MYH2: variants seen among roughly 807,000 people sequenced by gnomAD.
MYH2 encodes myosin-2.
In MYH2, 139 loss-of-function variants were observed where a neutral mutation model predicts 228.1. That is an observed-to-expected ratio of 0.61 (90% CI 0.53 to 0.70). MYH2 has a LOEUF of 0.70. Among genes scored for constraint, MYH2 ranks in the 30% least tolerant of loss-of-function variants. The pLI, the probability that MYH2 is intolerant of heterozygous loss-of-function variation, is 0.00. For missense variants in MYH2, 1,809 were observed against 2,357.5 expected (o/e 0.77, Z 4.82); for synonymous variants, 796 against 871.1 (o/e 0.91, Z 1.52).
chr17:10,534,478 A>T (rs1014631470), intron 19 of MYH2, among the ~76,000 whole-genome samples: 1 of 152,244 alleles, frequency 6.6e-6, no homozygotes, highest in Non-Finnish European at 1.5e-5. Flanking sequence ...GGATTAAACA[A>T]GATAATCTGA....
rs2073579572 is a variant in MYH2 at position 10,543,175 on chromosome 17, C to T, written c.742-14G>A. 1.9e-6 allele frequency: 3 copies of T among 1,578,440 alleles called. No homozygotes were observed. The highest frequency in any genetic ancestry group is 2.2e-5 in the East Asian group (1 of 44,606). On this transcript the variant is annotated splice_polypyrimidine_tract_variant and intron_variant, in intron 8 of 39. Coordinates refer to ENST00000245503, the MANE Select transcript of MYH2 (RefSeq NM_017534.6). ...GATGAATTTACCCTTGAAATAAAAGCTAATATTACTACCTTTTTTTTATAT... is the reference window on the plus strand; with the variant it reads ...GATGAATTTACCCTTGAAATAAAAGTTAATATTACTACCTTTTTTTTATAT...
Position 10,523,665 on chromosome 17 carries a change from G to T in MYH2, c.5303C>A (p.Ala1768Asp). 6.2e-7 allele frequency: 1 copy of T among 1,614,210 alleles called. No individual in the cohort carries two copies. Among genetic ancestry groups the T allele is most frequent in the Non-Finnish European group, 8.5e-7 (1 of 1,180,050 alleles). ...CTTCAGCTCCTCAGCCATCATGGCG[G>T]CCTAAATAGCAAATAAATCAAGAAA... is the stretch of plus-strand genomic sequence containing the variant. ...EEKAKKAITD[A>D]AMMAEELKKE... is the part of the protein sequence containing the mutation. The change falls in exon 37 of 40, where the codon GCC becomes GAC. Residue 1768 changes from alanine to aspartate, a missense_variant and splice_region_variant. Ala to Asp is a moderately radical substitution (Grantham distance 126). Coordinates refer to ENST00000245503, the MANE Select transcript of MYH2 (RefSeq NM_017534.6).
In MYH2 at chr17:10,545,401, C is replaced by T. The variant is rs775927623; in HGVS notation, c.450G>A (p.Glu150=). ...VTAYRGKKRQ[E]APPHIFSISD... is the part of the protein sequence containing the mutation. ...AGATGGAGAAGATGTGGGGCGGGGC[C>T]TCCTGGCGCTTTTTGCCTCGGTAGG... is the stretch of plus-strand genomic sequence containing the variant. The change falls in exon 5 of 40, where the codon GAG becomes GAA. Residue 150 remains glutamate (E), a synonymous_variant. Transcript: ENST00000245503. 3.1e-6 allele frequency: 5 copies of T among 1,613,994 alleles called. No homozygotes were observed. Among genetic ancestry groups the T allele is most frequent in the Non-Finnish European group, 4.2e-6 (5 of 1,180,004 alleles).
intron 14 of MYH2, among the ~76,000 whole-genome samples, chr17:10,538,644 CA>C (rs201204610): frequency 0.031 from 2,755 of 87,990 alleles, 43 homozygotes; most frequent in African/African-American, 0.084. Flanking sequence ...GACTCCATCT[CA>C]AAAAAAAAAA....
chr17:10,536,386 A>G, intron 17 of MYH2, 144 bp downstream of exon 17: 1 of 637,918 alleles, frequency 1.6e-6, no homozygotes. Context: ...CATATTACAA[A>G]GTAATTTTAA....
Position 10,525,900 on chromosome 17 carries a change from G to T in MYH2, c.4188-24C>A, listed in dbSNP as rs775165995. 4 of 1,611,392 alleles carry T rather than the reference G, an allele frequency of 2.5e-6. No individual in the cohort carries two copies. Among genetic ancestry groups the T allele is most frequent in the Non-Finnish European group, 2.5e-6 (3 of 1,177,910 alleles). On this transcript the variant is annotated intron_variant, in intron 30 of 39. Transcript: ENST00000245503. This position sits in a 1 kb window ranked among gnomAD's most constrained non-coding sequence, Gnocchi z 4.2. ...TCCTTGAATATTATACATGTTTTCA[G>T]AGAGAAGTGAACCATAATATGAATT...
rs1266665896 is a variant in MYH2 at position 10,543,938 on chromosome 17, C to G, written c.612G>C (p.Glu204Asp). The G allele has an allele frequency of 6.2e-7, 1 of 1,614,234 alleles. No homozygotes were observed. Among genetic ancestry groups the G allele is most frequent in the Admixed American group, 1.7e-5 (1 of 60,026 alleles). Residue 204 changes from glutamate (E) to aspartate (D), a missense_variant, in exon 7 of 40, where the codon GAG (glutamate) becomes GAC (aspartate). Physicochemically the swap from Glu to Asp is conservative, Grantham distance 45 (BLOSUM62 2). This residue lies in a region of MYH2 where 373 missense variants were observed against 620.4 expected (regional missense o/e 0.60). Coordinates refer to ENST00000245503, the MANE Select transcript of MYH2 (RefSeq NM_017534.6). ...QYFATIAVTG[E>D]KKKEEITSGK... ...CAGAAGTAATTTCTTCCTTCTTCTT[C>G]TCACCAGTAACTGCAATTGTTGCAA...
intron 4 of MYH2, among the ~76,000 whole-genome samples, chr17:10,546,310 G>T (rs2073632147): frequency 8.7e-6 from 1 of 115,454 alleles, no homozygotes; most frequent in Non-Finnish European, 1.7e-5. Flanking sequence ...ACAATAGGGG[G>T]ATTTAAAAAA....
intron 17 of MYH2, among the ~76,000 whole-genome samples, chr17:10,535,878 G>A (rs1387857220): frequency 1.3e-5 from 2 of 152,302 alleles, no homozygotes; most frequent in Admixed American, 6.5e-5. Context: ...TTAAGAGCAA[G>A]GATACCATAT....
intron 10 of MYH2, among the ~76,000 whole-genome samples, 158 bp downstream of exon 10, chr17:10,542,717 T>G (rs1394592602): frequency 6.6e-6 from 1 of 152,224 alleles, no homozygotes; most frequent in East Asian, 1.9e-4. Context: ...TGAATTTTTC[T>G]AATGAGCACA....
At chr17:10,534,263 G>T (rs2073457213) in intron 19 of MYH2, among the ~76,000 whole-genome samples, 1 of 152,208 alleles carries the variant, frequency 6.6e-6, no homozygotes, top group Non-Finnish European at 1.5e-5. Flanking sequence ...AACCCTGGGA[G>T]TCTAATATGT....
rs1245033619 is a variant in MYH2 at position 10,525,596 on chromosome 17, C to T, written c.4392G>A (p.Gln1464=). The change falls in exon 32 of 40, where the codon CAG becomes CAA. Residue 1464 remains glutamine (Q), a synonymous_variant. Transcript: ENST00000245503. The surrounding 1 kb of genome is among the most constrained non-coding windows in gnomAD (Gnocchi z 4.2). The part of the protein sequence containing the change: ...NFDKILAEWK[Q]KCEETHAELE... Reference sequence around the variant, plus strand: ...GCTCAGCATGCGTTTCCTCACATTTCTGTTTCCATTCTGCCAGGATCTGAA... The same window carrying T: ...GCTCAGCATGCGTTTCCTCACATTTTTGTTTCCATTCTGCCAGGATCTGAA... 2.5e-6 allele frequency: 4 copies of T among 1,614,080 alleles called. No homozygotes were observed. Among genetic ancestry groups the T allele is most frequent in the Non-Finnish European group, 3.4e-6 (4 of 1,180,050 alleles).
rs1181269429 is a variant in MYH2, at chr17:10,533,572, G to T, written c.2241C>A (p.Ala747=). The change falls in exon 20 of 40, where the codon GCC becomes GCA. Residue 747 remains alanine, a synonymous_variant. Transcript: ENST00000245503. ...PEGQFIDSKK[A]SEKLLASIDI... ...CGATGGATGCAAGGAGCTTCTCAGA[G>T]GCCTTCTTGCTATCAATGAATTGCC... 1.2e-6 allele frequency: 2 copies of T among 1,614,006 alleles called. No individual in the cohort carries two copies. The highest frequency in any genetic ancestry group is 1.3e-5 in the African/African-American group (1 of 74,922).
intron 22 of MYH2, 112 bp from the exon 23 acceptor site, chr17:10,530,186 A>T (rs1190186948): frequency 6.3e-7 from 1 of 1,580,446 alleles, no homozygotes; most frequent in Non-Finnish European, 8.7e-7. Context: ...TCATTTGTTT[A>T]CTCCTTCACA....
At chr17:10,522,641 C>G (rs995314391) in intron 39 of MYH2, among the ~76,000 whole-genome samples, 1 of 152,016 alleles carries the variant, frequency 6.6e-6, no homozygotes, top group South Asian at 2.1e-4. Flanking sequence ...AATGAATTAG[C>G]CTCCTAGCAC....
rs745807547 is a variant in MYH2, at chr17:10,529,040, G to A, written c.3394C>T (p.Arg1132Trp). The A allele has an allele frequency of 1.1e-5, 17 of 1,614,104 alleles. 1 individual carries two copies. Among genetic ancestry groups the A allele is most frequent in the Admixed American group, 3.3e-5 (2 of 60,004 alleles). ...EELEEEIEAE[R>W]ASRAKAEKQR... is the part of the protein sequence containing the mutation. ...TTCTCTGCTTTGGCCCGGGAGGCCC[G>A]CTCTGCCTCGATTTCCTCCTCCAGC... The change falls in exon 27 of 40, where the codon CGG becomes TGG. Residue 1132 changes from arginine to tryptophan, a missense_variant. This residue lies in a region of MYH2 where 636 missense variants were observed against 729.9 expected (regional missense o/e 0.87). Transcript: ENST00000245503.
intron 27 of MYH2, among the ~76,000 whole-genome samples, chr17:10,528,471 C>T (rs1041148289): frequency 4.6e-5 from 7 of 152,016 alleles, no homozygotes; most frequent in African/African-American, 1.4e-4. Context: ...CTGGTGTTGT[C>T]GTTTATTAAT....
At position 10,533,301 on chromosome 17, in the gene MYH2, T is replaced by G; in HGVS notation, c.2425A>C (p.Arg809=). 6.2e-7 allele frequency: 1 copy of G among 1,614,212 alleles called. No individual in the cohort carries two copies. Among genetic ancestry groups the G allele is most frequent in the Non-Finnish European group, 8.5e-7 (1 of 1,180,010 alleles). Residue 809 remains arginine, a synonymous_variant, in exon 21 of 40, where the codon AGG becomes CGG. Coordinates refer to ENST00000245503, the MANE Select transcript of MYH2 (RefSeq NM_017534.6). ...RGFLARVEYQ[R]MVERREAIFC... ...TTTTTATACCTTCTCTCCACCATCC[T>G]CTGGTACTCCACTCTTGCCAAGAAC...
intron 2 of MYH2, among the ~76,000 whole-genome samples, 180 bp from the exon 3 acceptor site, chr17:10,548,120 C>T (rs2142325988): frequency 6.6e-6 from 1 of 152,298 alleles, no homozygotes; most frequent in South Asian, 2.1e-4. Flanking sequence ...CAGGTGGTCT[C>T]TGTGTACCCA....
Sources: allele counts gnomAD v4.1 joint callset (sites outside exome capture counted in the v4.1 genomes callset), GRCh38; gene constraint gnomAD v4.1.1; regional missense constraint gnomAD v4.1.1; non-coding constraint Gnocchi (gnomAD v3.1); transcripts MANE v1.5; gene names NCBI Gene and HGNC (gene_info 2026-07-23, HGNC 2026-07-21).